DEXI: variants seen among roughly 807,000 people sequenced by gnomAD.
The protein encoded by DEXI is dexamethasone-induced protein.
Under a neutral mutation model 2.5 loss-of-function variants are expected in DEXI, and 2 were observed. The observed-to-expected ratio is 0.81, with a 90% CI of 0.33 to 2.55. DEXI has a LOEUF of 2.55. Ranked by LOEUF, DEXI falls within the 30% of genes most tolerant of loss-of-function variation. The probability of loss-of-function intolerance (pLI) is 0.11; values close to 1 mark genes in which losing one functional copy is unlikely to be tolerated. For missense variants in DEXI, 108 were observed against 130.3 expected, an observed-to-expected ratio of 0.83 and a Z score of 0.83; for synonymous variants, 71 against 68.7, an observed-to-expected ratio of 1.03 and a Z score of -0.17.
chr16:10,941,687 T>C lies in DEXI; in HGVS notation c.*31A>G, dbSNP rs764569640. On this transcript the variant is annotated 3_prime_UTR_variant, in exon 1 of 2. Transcript: ENST00000331808. This position sits in a 1 kb window ranked among gnomAD's most constrained non-coding sequence, Gnocchi z 6.4. ...GGTCCAGGGCATGGGTTGCGGATCG[T>C]GTAGGGAAGAGGGGAACAGCAGTCG... 8 of 1,581,770 alleles carry C rather than the reference T, an allele frequency of 5.1e-6. No homozygotes were observed. In the Admixed American group the frequency reaches 1.4e-4, roughly 27 times the overall value.
Position 10,934,322 on chromosome 16 carries a change from G to C in DEXI, c.*150-4763C>G, listed in dbSNP as rs1567464962. On this transcript the variant is annotated intron_variant, in intron 1 of 1. Transcript: ENST00000331808. This position sits in a 1 kb window ranked among gnomAD's most constrained non-coding sequence, Gnocchi z 4.2. ...TCACCATATAACACCCAAAGCAGTAGAATTTGTCATACACAGAAGGCAATG... is the reference window on the plus strand; with the variant it reads ...TCACCATATAACACCCAAAGCAGTACAATTTGTCATACACAGAAGGCAATG... 1.3e-5 allele frequency: 2 copies of C among 152,196 alleles called. No homozygotes were observed. Among genetic ancestry groups the C allele is most frequent in the African/African-American group, 4.8e-5 (2 of 41,428 alleles). 9.4% of individuals were successfully genotyped at this position (152,196 alleles called of 1,614,324 possible).
rs930576885 is a variant in DEXI at position 10,939,375 on chromosome 16, C to G, written c.*149+2194G>C. The G allele has an allele frequency of 3.9e-5, 6 of 152,410 alleles. No homozygotes were observed. The highest frequency in any genetic ancestry group is 1.3e-4 in the Admixed American group (2 of 15,308). The allele number at this position is 152,410 out of a possible 1,614,324, so 9.4% of individuals were successfully genotyped here. A position where few individuals can be genotyped will look rare whatever the true frequency, so the allele number is the denominator to read the frequency against. On this transcript the variant is annotated intron_variant, in intron 1 of 1. Transcript: ENST00000331808. The surrounding 1 kb of genome is among the most constrained non-coding windows in gnomAD (Gnocchi z 4.9). ...GGAATGGGATTGTGTCATCTCCTGC[C>G]TAGAACCTTCCAATGGCTTTCCACT... is the stretch of plus-strand genomic sequence containing the variant.
chr16:10,941,410 G>T lies in DEXI; in HGVS notation c.*149+159C>A. 1 of 606,934 alleles carries T rather than the reference G, an allele frequency of 1.6e-6. No homozygotes were observed. Among genetic ancestry groups the T allele is most frequent in the Non-Finnish European group, 2.3e-6 (1 of 435,412 alleles). 37.6% of individuals were successfully genotyped at this position (606,934 alleles called of 1,614,324 possible). A position where few individuals can be genotyped will look rare whatever the true frequency, so the allele number is the denominator to read the frequency against. ...GGAAGCTTTCCAGCCCAAACGAAGG[G>T]CTTAAGAGGAGTCTGGCCATTCCTG... is the stretch of plus-strand genomic sequence containing the variant. On this transcript the variant is annotated intron_variant, in intron 1 of 1. Transcript: ENST00000331808. The surrounding 1 kb of genome is among the most constrained non-coding windows in gnomAD (Gnocchi z 6.4).
Position 10,934,407 on chromosome 16 carries a change from C to G in DEXI, c.*150-4848G>C, listed in dbSNP as rs2040935561. ...AGCTTGATACCCTTGGCCTGTATAA[C>G]TGAGCCTTGTGCCAGTTAAAAGGGC... On this transcript the variant is annotated intron_variant, in intron 1 of 1. Transcript: ENST00000331808. The surrounding 1 kb of genome is among the most constrained non-coding windows in gnomAD (Gnocchi z 4.2). 1 of 152,216 alleles carries G rather than the reference C, an allele frequency of 6.6e-6. No homozygotes were observed. Among genetic ancestry groups the G allele is most frequent in the Non-Finnish European group, 1.5e-5 (1 of 68,042 alleles). 9.4% of individuals were successfully genotyped at this position (152,216 alleles called of 1,614,324 possible). A position where few individuals can be genotyped will look rare whatever the true frequency, so the allele number is the denominator to read the frequency against.
At chr16:10,933,806 A>C (rs1406501901) in intron 1 of DEXI, 1 of 152,258 alleles carries the variant, frequency 6.6e-6, no homozygotes, top group Non-Finnish European at 1.5e-5. Flanking sequence ...AAAATCAATT[A>C]AAGTGGCTAA....
intron 1 of DEXI, chr16:10,932,205 T>C (rs2040826283): frequency 6.6e-6 from 1 of 152,236 alleles, no homozygotes; most frequent in Non-Finnish European, 1.5e-5. Flanking sequence ...ACACTTTGGC[T>C]ATTAGAGATC....
rs1015113927 is a variant in DEXI, at chr16:10,929,174, C to A, written c.*535G>T. 2.0e-6 allele frequency: 2 copies of A among 979,676 alleles called. No homozygotes were observed. The highest frequency in any genetic ancestry group is 1.8e-5 in the African/African-American group (1 of 57,128). The allele number at this position is 979,676 out of a possible 1,614,324, so 60.7% of individuals were successfully genotyped here. ...CCTGAAACAGTCGCTGCATCTAAGACCAGCCTCGGGCTAAACCCAGCTGGC... is the reference window on the plus strand; with the variant it reads ...CCTGAAACAGTCGCTGCATCTAAGAACAGCCTCGGGCTAAACCCAGCTGGC... On this transcript the variant is annotated 3_prime_UTR_variant, in exon 2 of 2. Transcript: ENST00000331808. The surrounding 1 kb of genome is among the most constrained non-coding windows in gnomAD (Gnocchi z 4.3).
chr16:10,935,890 G>C (rs1173221182), intron 1 of DEXI: 2 of 152,116 alleles, frequency 1.3e-5, no homozygotes, highest in Non-Finnish European at 2.9e-5. Context: ...AGCTGATCCA[G>C]ACTGAAGAAG....
In DEXI at chr16:10,934,855, C is replaced by T. The variant is rs2040960643; in HGVS notation, c.*150-5296G>A. 1 of 152,248 alleles carries T rather than the reference C, an allele frequency of 6.6e-6. No individual in the cohort carries two copies. The highest frequency in any genetic ancestry group is 2.4e-5 in the African/African-American group (1 of 41,454). The allele number at this position is 152,248 out of a possible 1,614,324, so 9.4% of individuals were successfully genotyped here. A position where few individuals can be genotyped will look rare whatever the true frequency, so the allele number is the denominator to read the frequency against. On this transcript the variant is annotated intron_variant, in intron 1 of 1. Transcript: ENST00000331808. This position sits in a 1 kb window ranked among gnomAD's most constrained non-coding sequence, Gnocchi z 4.2. ...GGCACCAGCACCATCTGGGGACTCG[C>T]TGGGTACCAATTATCACCGCCCTTG... is the stretch of plus-strand genomic sequence containing the variant.
At position 10,937,393 on chromosome 16, in the gene DEXI, G is replaced by C. The variant is rs534146446; in HGVS notation, c.*149+4176C>G. On this transcript the variant is annotated intron_variant, in intron 1 of 1. Coordinates refer to ENST00000331808, the MANE Select transcript of DEXI (RefSeq NM_014015.4). The surrounding 1 kb of genome is among the most constrained non-coding windows in gnomAD (Gnocchi z 4.2). The stretch of plus-strand genomic sequence containing the variant: ...TTCTGACCTGGGCAGCTCTATGTCC[G>C]GCACAGGGGTTCTGCTGATAGCACA... 2 of 152,438 alleles carry C rather than the reference G, an allele frequency of 1.3e-5. No individual in the cohort carries two copies. Among genetic ancestry groups the C allele is most frequent in the African/African-American group, 4.8e-5 (2 of 41,554 alleles). The allele number at this position is 152,438 out of a possible 1,614,324, so 9.4% of individuals were successfully genotyped here.
At position 10,938,749 on chromosome 16, in the gene DEXI, G is replaced by T. The variant is rs1219463416; in HGVS notation, c.*149+2820C>A. 1 of 152,190 alleles carries T rather than the reference G, an allele frequency of 6.6e-6. No individual in the cohort carries two copies. The highest frequency in any genetic ancestry group is 1.5e-5 in the Non-Finnish European group (1 of 68,052). The allele number at this position is 152,190 out of a possible 1,614,324, so 9.4% of individuals were successfully genotyped here. On this transcript the variant is annotated intron_variant, in intron 1 of 1. Transcript: ENST00000331808. The surrounding 1 kb of genome is among the most constrained non-coding windows in gnomAD (Gnocchi z 4.9). Reference sequence around the variant, plus strand: ...TGCATGGCTTCCACCACTTCTCCAGGCCTCCCCACTTCCCAGGGTCAGGCC... The same window carrying T: ...TGCATGGCTTCCACCACTTCTCCAGTCCTCCCCACTTCCCAGGGTCAGGCC...
chr16:10,941,768 G>C lies in DEXI; in HGVS notation c.238C>G (p.Leu80Val). 1.2e-6 allele frequency: 2 copies of C among 1,613,520 alleles called. No homozygotes were observed. Among genetic ancestry groups the C allele is most frequent in the Non-Finnish European group, 1.7e-6 (2 of 1,179,752 alleles). ...TCGAGCTCCGAGTCAGCATCGTAAA[G>C]GCCCGAGCCGGGGTCGGAGAGCACG... is the stretch of plus-strand genomic sequence containing the variant. Reference protein sequence around the residue: ...LGVLSDPGSGLYDADSELDVF... With the variant: ...LGVLSDPGSGVYDADSELDVF... Residue 80 changes from leucine (L) to valine (V), a missense_variant, in exon 1 of 2, where the codon CTT (leucine) becomes GTT (valine). Physicochemically the swap from Leu to Val is conservative, Grantham distance 32. Coordinates refer to ENST00000331808, the MANE Select transcript of DEXI (RefSeq NM_014015.4). This position sits in a 1 kb window ranked among gnomAD's most constrained non-coding sequence, Gnocchi z 6.4.
At chr16:10,933,471 AT>A (rs2040886287) in intron 1 of DEXI, 1 of 152,224 alleles carries the variant, frequency 6.6e-6, no homozygotes, top group African/African-American at 2.4e-5. Context: ...GTCTGTGCTG[AT>A]TGTGGTTCTG....
At chr16:10,932,802 C>T (rs2040856173) in intron 1 of DEXI, 1 of 151,146 alleles carries the variant, frequency 6.6e-6, no homozygotes, top group African/African-American at 2.4e-5. Context: ...ATTCTCATGC[C>T]TCAGCCTCCT....
At chr16:10,930,420 C>T (rs1456904662) in intron 1 of DEXI, 1 of 152,110 alleles carries the variant, frequency 6.6e-6, no homozygotes, top group Non-Finnish European at 1.5e-5. Flanking sequence ...CAGTAGCACC[C>T]CTGGCCACTG....
At position 10,929,279 on chromosome 16, in the gene DEXI, T is replaced by A; in HGVS notation, c.*430A>T. On this transcript the variant is annotated 3_prime_UTR_variant, in exon 2 of 2. Coordinates refer to ENST00000331808, the MANE Select transcript of DEXI (RefSeq NM_014015.4). The surrounding 1 kb of genome is among the most constrained non-coding windows in gnomAD (Gnocchi z 4.3). ...CAGTTTGAAGTGTCCTCTCCGAAGG[T>A]GAAGTGGGGGAAGCAGGTGCGCTCC... 1 of 985,582 alleles carries A rather than the reference T, an allele frequency of 1.0e-6. No homozygotes were observed. The highest frequency in any genetic ancestry group is 1.2e-6 in the Non-Finnish European group (1 of 829,900). The allele number at this position is 985,582 out of a possible 1,614,324, so 61.1% of individuals were successfully genotyped here.
At position 10,941,214 on chromosome 16, in the gene DEXI, G is replaced by A. The variant is rs1026757397; in HGVS notation, c.*149+355C>T. ...AAGCGAGAATCCCCCAAAAGCCAAG[G>A]TCATCATCAAGCCAGGATGAGGACT... On this transcript the variant is annotated intron_variant, in intron 1 of 1. Coordinates refer to ENST00000331808, the MANE Select transcript of DEXI (RefSeq NM_014015.4). This position sits in a 1 kb window ranked among gnomAD's most constrained non-coding sequence, Gnocchi z 6.4. 6.4e-6 allele frequency: 1 copy of A among 155,540 alleles called. No homozygotes were observed. The highest frequency in any genetic ancestry group is 1.4e-5 in the Non-Finnish European group (1 of 70,138). The allele number at this position is 155,540 out of a possible 1,614,324, so 9.6% of individuals were successfully genotyped here.
In DEXI at chr16:10,937,484, A is replaced by G. The variant is rs1021034744; in HGVS notation, c.*149+4085T>C. On this transcript the variant is annotated intron_variant, in intron 1 of 1. Transcript: ENST00000331808. This position sits in a 1 kb window ranked among gnomAD's most constrained non-coding sequence, Gnocchi z 4.2. Reference sequence around the variant, plus strand: ...AGCTGTGGTTCCTAGTTGGGAGATAACTGAAGCCTAGGAAATCCTGGAATA... The same window carrying G: ...AGCTGTGGTTCCTAGTTGGGAGATAGCTGAAGCCTAGGAAATCCTGGAATA... 6.6e-6 allele frequency: 1 copy of G among 152,278 alleles called. No individual in the cohort carries two copies. The highest frequency in any genetic ancestry group is 2.4e-5 in the African/African-American group (1 of 41,430). 9.4% of individuals were successfully genotyped at this position (152,278 alleles called of 1,614,324 possible).
intron 1 of DEXI, chr16:10,930,845 T>C (rs977349791): frequency 6.6e-6 from 1 of 152,232 alleles, no homozygotes; most frequent in African/African-American, 2.4e-5. Flanking sequence ...AGGCTGTAAG[T>C]GCAGGCAGAG....
Sources: allele counts gnomAD v4.1 joint callset, GRCh38; gene constraint gnomAD v4.1.1; non-coding constraint Gnocchi (gnomAD v3.1); transcripts MANE v1.5; gene names NCBI Gene and HGNC (gene_info 2026-07-23, HGNC 2026-07-21).